Variants in SCFD2 observed in about 807,000 individuals in gnomAD.
SCFD2 encodes the protein sec1 family domain containing 2.
SCFD2 carries 54 observed loss-of-function variants against 58.9 expected under a neutral mutation model. The observed-to-expected ratio is 0.92, with a 90% confidence interval of 0.74 to 1.15. The LOEUF (loss-of-function observed/expected upper bound fraction) is 1.15. SCFD2 is among the 50% of genes most tolerant of loss of function. The pLI is 0.00. For missense variants in SCFD2, 805 were observed against 836.6 expected (o/e 0.96, Z 0.47); for synonymous variants, 321 against 335.9 (o/e 0.96, Z 0.49).
At position 53,255,765 on chromosome 4, in the gene SCFD2, C is replaced by T. The variant is rs901483208; in HGVS notation, c.1311+18061G>A. On this transcript the variant is annotated intron_variant, in intron 4 of 8. Transcript: ENST00000401642. ...ACGGGGTGGTGGCCGGGCAGAGGGG[C>T]TCCTCACTTCCCAGTAGGGGCGGCC... Among the ~76,000 whole-genome samples the T allele has an allele frequency of 2.0e-5, 3 of 151,990 alleles. No homozygotes were observed. In the South Asian group the frequency reaches 6.2e-4, roughly 32 times the overall value.
At chr4:53,357,452 T>C (rs1346153523) in intron 1 of SCFD2, among the ~76,000 whole-genome samples, 1 of 151,984 alleles carries the variant, frequency 6.6e-6, no homozygotes, top group Non-Finnish European at 1.5e-5. Context: ...AATTATTTCA[T>C]ATTCTTCCCA....
At chr4:53,042,005 T>C (rs1377247925) in intron 5 of SCFD2, among the ~76,000 whole-genome samples, 3 of 152,108 alleles carry the variant, frequency 2.0e-5, no homozygotes, top group East Asian at 3.9e-4. Flanking sequence ...ATAAAACATA[T>C]CTCAAATATA....
intron 6 of SCFD2, among the ~76,000 whole-genome samples, chr4:52,911,266 G>A (rs940601469): frequency 3.3e-5 from 5 of 152,168 alleles, no homozygotes; most frequent in Non-Finnish European, 7.3e-5. Context: ...GGGAGACAGG[G>A]GAAAGCAGGA....
chr4:53,327,804 G>A (rs1291796027), intron 2 of SCFD2, among the ~76,000 whole-genome samples: 3 of 152,142 alleles, frequency 2.0e-5, no homozygotes, highest in African/African-American at 7.2e-5. Flanking sequence ...GCTTAGAATT[G>A]GAAGTATTGC....
At chr4:52,886,011 G>T in intron 7 of SCFD2, 145 bp from the exon 8 acceptor site, 1 of 988,068 alleles carries the variant, frequency 1.0e-6, no homozygotes, top group Non-Finnish European at 1.5e-6. Flanking sequence ...AGGCAGACAG[G>T]GGTGGGTCCC....
chr4:52,961,852 G>A (rs562913244), intron 5 of SCFD2, among the ~76,000 whole-genome samples: 1 of 152,232 alleles, frequency 6.6e-6, no homozygotes, highest in African/African-American at 2.4e-5. Flanking sequence ...GCTTAGAAGT[G>A]GTGAGACTGG....
chr4:52,932,855 G>T (rs1720031971), intron 5 of SCFD2, among the ~76,000 whole-genome samples: 1 of 152,078 alleles, frequency 6.6e-6, no homozygotes. Flanking sequence ...TGAAATTTAA[G>T]CTCCCACTAA....
At chr4:53,131,571 C>T (rs1189508499) in intron 5 of SCFD2, among the ~76,000 whole-genome samples, 2 of 152,052 alleles carry the variant, frequency 1.3e-5, no homozygotes, top group East Asian at 3.9e-4. Flanking sequence ...AAATAAAAAG[C>T]ATATGAAGCT....
chr4:53,164,993 A>G (rs1726965859), intron 4 of SCFD2, among the ~76,000 whole-genome samples: 1 of 152,186 alleles, frequency 6.6e-6, no homozygotes, highest in Admixed American at 6.5e-5. Flanking sequence ...CATGACTGAA[A>G]AAGTTGTGTT....
chr4:53,361,803 T>A (rs986846668), intron 1 of SCFD2, among the ~76,000 whole-genome samples: 11 of 152,216 alleles, frequency 7.2e-5, no homozygotes, highest in African/African-American at 2.7e-4. Context: ...TCAGTGTGCA[T>A]CGTTTTTTCT....
At chr4:53,161,944 TATC>T (rs1028518766) in intron 4 of SCFD2, among the ~76,000 whole-genome samples, 1 of 152,184 alleles carries the variant, frequency 6.6e-6, no homozygotes, top group Non-Finnish European at 1.5e-5. Context: ...CCTGTTTGTC[TATC>T]ATCAAGGGAG....
chr4:52,914,102 C>T (rs1229866726), intron 6 of SCFD2, among the ~76,000 whole-genome samples: 2 of 152,080 alleles, frequency 1.3e-5, no homozygotes, highest in African/African-American at 4.8e-5. Context: ...AAGAATTTAA[C>T]CTTTGGTTAA....
intron 4 of SCFD2, among the ~76,000 whole-genome samples, chr4:53,164,293 G>A (rs1726938568): frequency 1.3e-5 from 2 of 152,158 alleles, no homozygotes; most frequent in Non-Finnish European, 2.9e-5. Flanking sequence ...TTGTTCCGTG[G>A]AGCCCCTGAG....
intron 4 of SCFD2, among the ~76,000 whole-genome samples, chr4:53,205,657 C>T (rs528056443): frequency 2.2e-4 from 33 of 151,676 alleles, no homozygotes; most frequent in Non-Finnish European, 2.1e-4. Context: ...CAGGAGATCG[C>T]GACCATCCTG....
At chr4:53,201,020 TA>T (rs1728215867) in intron 4 of SCFD2, among the ~76,000 whole-genome samples, 2 of 151,782 alleles carry the variant, frequency 1.3e-5, no homozygotes, top group South Asian at 4.1e-4. Flanking sequence ...TTTAATTTTT[TA>T]AAAAATTTTA....
chr4:53,320,142 T>C (rs1460774699), intron 2 of SCFD2, among the ~76,000 whole-genome samples: 1 of 152,224 alleles, frequency 6.6e-6, no homozygotes, highest in Admixed American at 6.5e-5. Flanking sequence ...AAAAACTGAT[T>C]CTAAATGAGA....
chr4:53,216,445 T>C (rs183960940), intron 4 of SCFD2, among the ~76,000 whole-genome samples: 4 of 152,342 alleles, frequency 2.6e-5, no homozygotes, highest in Admixed American at 6.5e-5. Context: ...GAGGTGTTCA[T>C]AGTATTCTCT....
At chr4:52,953,910 T>C (rs556670173) in intron 5 of SCFD2, among the ~76,000 whole-genome samples, 1 of 152,330 alleles carries the variant, frequency 6.6e-6, no homozygotes, top group African/African-American at 2.4e-5. Context: ...CATTTTATAG[T>C]GGAGTGGCTG....
At chr4:52,982,375 C>G (rs552292125) in intron 5 of SCFD2, among the ~76,000 whole-genome samples, 183 of 152,238 alleles carry the variant, frequency 1.2e-3, no homozygotes, top group African/African-American at 3.8e-3. Flanking sequence ...ATGCAGATGT[C>G]TTGAATGTTG....
Sources: allele counts gnomAD v4.1 joint callset (sites outside exome capture counted in the v4.1 genomes callset), GRCh38; gene constraint gnomAD v4.1.1; transcripts MANE v1.5; gene names NCBI Gene and HGNC (gene_info 2026-07-23, HGNC 2026-07-21).